NCKAP5: variants seen among roughly 807,000 people sequenced by gnomAD.
NCKAP5 encodes the protein nck-associated protein 5.
In NCKAP5, 92 loss-of-function variants were observed where a neutral mutation model predicts 167.0. That is an observed-to-expected ratio of 0.55 (90% CI 0.47 to 0.66). NCKAP5 has a LOEUF of 0.66. Ranked by LOEUF, NCKAP5 falls within the 30% of genes least tolerant of loss-of-function variation. The pLI, the probability that NCKAP5 is intolerant of heterozygous loss-of-function variation, is 0.00. For synonymous variants in NCKAP5, 891 were observed against 877.4 expected (o/e 1.02, Z -0.27); for missense variants, 2,378 against 2,315.0 (o/e 1.03, Z -0.56).
chr2:133,271,820 G>A (rs2089525766), intron 4 of NCKAP5, among the ~76,000 whole-genome samples: 1 of 152,170 alleles, frequency 6.6e-6, no homozygotes, highest in African/African-American at 2.4e-5. Context: ...AAGTGATACT[G>A]TGGTTATAAA....
At chr2:132,926,010 G>A (rs921185526) in intron 8 of NCKAP5, among the ~76,000 whole-genome samples, 14 of 152,124 alleles carry the variant, frequency 9.2e-5, no homozygotes, top group African/African-American at 3.4e-4. Flanking sequence ...TATCCATTAT[G>A]TAATTTCTCA....
In NCKAP5 at chr2:133,431,284, T is replaced by C. The variant is rs184534328; in HGVS notation, c.69+86174A>G. 9.4e-4 allele frequency among the ~76,000 whole-genome samples: 143 copies of C among 152,264 alleles called. 1 individual carries two copies. Among genetic ancestry groups the C allele is most frequent in the African/African-American group, 3.4e-3 (140 of 41,554 alleles). On this transcript the variant is annotated intron_variant, in intron 3 of 19. Coordinates refer to ENST00000409261, the MANE Select transcript of NCKAP5 (RefSeq NM_207363.3). ...CCTGCCAGGTTGGTCAGTCATACTC[T>C]CCATGTTTTATATATTTAAACTGGC...
intron 6 of NCKAP5, among the ~76,000 whole-genome samples, chr2:133,063,484 G>T (rs998576873): frequency 6.6e-6 from 1 of 152,176 alleles, no homozygotes; most frequent in Non-Finnish European, 1.5e-5. Flanking sequence ...GGCCTGACCA[G>T]ATCATAAATC....
chr2:133,132,965 C>T (rs1322730397), intron 5 of NCKAP5, among the ~76,000 whole-genome samples: 1 of 152,112 alleles, frequency 6.6e-6, no homozygotes, highest in Non-Finnish European at 1.5e-5. Flanking sequence ...CGTTAGCCAC[C>T]ACGCCCAGCC....
intron 6 of NCKAP5, among the ~76,000 whole-genome samples, chr2:133,071,140 C>A (rs895445930): frequency 6.6e-6 from 1 of 152,092 alleles, no homozygotes; most frequent in Non-Finnish European, 1.5e-5. Context: ...CAACTATAGA[C>A]CAATCACATT....
At chr2:133,660,404 G>T in the NCKAP5 span, among the ~76,000 whole-genome samples, 5 of 151,920 alleles carry the variant, frequency 3.3e-5, no homozygotes, top group Middle Eastern at 3.4e-3. Context: ...GTGTGCATTT[G>T]CTTATCTGTT....
chr2:133,012,388 C>A (rs556149513), intron 6 of NCKAP5, among the ~76,000 whole-genome samples: 1 of 152,290 alleles, frequency 6.6e-6, no homozygotes, highest in Admixed American at 6.5e-5. Flanking sequence ...GCTGGGACTA[C>A]AGGTGCACGC....
At chr2:132,956,100 C>T (rs939092256) in intron 8 of NCKAP5, among the ~76,000 whole-genome samples, 11 of 152,070 alleles carry the variant, frequency 7.2e-5, no homozygotes, top group African/African-American at 2.4e-4. Flanking sequence ...AATGTTCTCA[C>T]CACAAAAAAT....
chr2:133,456,930 T>C (rs1691898141), intron 3 of NCKAP5, among the ~76,000 whole-genome samples: 1 of 152,110 alleles, frequency 6.6e-6, no homozygotes, highest in South Asian at 2.1e-4. Context: ...ACGTCATAGG[T>C]GTAACAAGAT....
At chr2:133,107,507 T>C (rs937704281) in intron 6 of NCKAP5, among the ~76,000 whole-genome samples, 1 of 152,208 alleles carries the variant, frequency 6.6e-6, no homozygotes, top group East Asian at 1.9e-4. Context: ...AATCCATATG[T>C]TCTTTTGCTG....
chr2:133,023,703 G>T (rs1225545917), intron 6 of NCKAP5, among the ~76,000 whole-genome samples: 1 of 152,120 alleles, frequency 6.6e-6, no homozygotes, highest in Non-Finnish European at 1.5e-5. Flanking sequence ...TGCAATATTC[G>T]ATTTTCTGTT....
the NCKAP5 span, among the ~76,000 whole-genome samples, chr2:133,604,171 C>G: frequency 6.6e-6 from 1 of 152,116 alleles, no homozygotes; most frequent in African/African-American, 2.4e-5. Flanking sequence ...AATGACCAGG[C>G]TTTAGGAGTA....
At chr2:132,801,307 C>T (rs1685012479) in intron 11 of NCKAP5, among the ~76,000 whole-genome samples, 1 of 152,278 alleles carries the variant, frequency 6.6e-6, no homozygotes, top group Non-Finnish European at 1.5e-5. Flanking sequence ...GGCCATGATT[C>T]GTTTGGAGTT....
intron 3 of NCKAP5, among the ~76,000 whole-genome samples, chr2:133,417,320 C>T (rs994754124): frequency 6.6e-6 from 1 of 152,174 alleles, no homozygotes; most frequent in Admixed American, 6.5e-5. Context: ...CGCAATTTCC[C>T]ATTAACCCCG....
chr2:133,058,732 A>G (rs1370335235), intron 6 of NCKAP5, among the ~76,000 whole-genome samples: 5 of 152,244 alleles, frequency 3.3e-5, no homozygotes, highest in Non-Finnish European at 5.9e-5. Context: ...GAAATATTAC[A>G]TAAACTTAGT....
chr2:132,871,494 A>G (rs1690809290), intron 9 of NCKAP5, among the ~76,000 whole-genome samples: 3 of 152,262 alleles, frequency 2.0e-5, no homozygotes, highest in South Asian at 4.1e-4. Flanking sequence ...CTTTCTCCCA[A>G]TTGGTCTCTC....
chr2:132,812,139 C>A (rs1291513197), intron 11 of NCKAP5, among the ~76,000 whole-genome samples: 1 of 152,126 alleles, frequency 6.6e-6, no homozygotes, highest in Non-Finnish European at 1.5e-5. Flanking sequence ...CTGGGTCCTG[C>A]AGGAGCGGTC....
intron 7 of NCKAP5, 78 bp from the exon 8 acceptor site, chr2:132,963,947 A>G: frequency 6.6e-7 from 1 of 1,506,980 alleles, no homozygotes; most frequent in Non-Finnish European, 9.1e-7. Context: ...AAAGGCTGGA[A>G]TCATTCTCCT....
intron 5 of NCKAP5, among the ~76,000 whole-genome samples, chr2:133,183,923 C>T (rs1016016243): frequency 2.0e-5 from 3 of 152,212 alleles, no homozygotes; most frequent in South Asian, 2.1e-4. Context: ...TATATATTAT[C>T]AGCAAGTATG....
Sources: allele counts gnomAD v4.1 joint callset (sites outside exome capture counted in the v4.1 genomes callset), GRCh38; gene constraint gnomAD v4.1.1; transcripts MANE v1.5; gene names NCBI Gene and HGNC (gene_info 2026-07-23, HGNC 2026-07-21).